IL1RAPL2: variants seen among roughly 807,000 people sequenced by gnomAD.
The protein encoded by IL1RAPL2 is interleukin 1 receptor accessory protein like 2.
In IL1RAPL2, 3 loss-of-function variants were observed where a neutral mutation model predicts 44.1. That is an observed-to-expected ratio of 0.07 (90% CI 0.03 to 0.18). The LOEUF (loss-of-function observed/expected upper bound fraction) is 0.18, where lower values mean the gene tolerates loss of function less well. Among genes scored for constraint, IL1RAPL2 ranks in the 10% least tolerant of loss-of-function variants. IL1RAPL2 has a pLI of 1.00. For synonymous variants in IL1RAPL2, 181 were observed against 178.8 expected (o/e 1.01, Z -0.10); for missense variants, 391 against 496.4 (o/e 0.79, Z 2.02).
chrX:104,770,856 C>G (rs775552555), intron 2 of IL1RAPL2, among the ~76,000 whole-genome samples: 1 of 111,617 alleles, frequency 9.0e-6, no homozygotes, highest in African/African-American at 3.3e-5. Flanking sequence ...AAGCCTAGTA[C>G]CCATTAGTTA....
rs1177321933 is a variant in IL1RAPL2, at chrX:105,363,297, TATATATATATA to T, written c.697+95768_697+95778del. Among the ~76,000 whole-genome samples, 404 of 79,414 alleles carry T rather than the reference TATATATATATA, an allele frequency of 5.1e-3. 6 individuals are homozygous for T. The highest frequency in any genetic ancestry group is 0.032 in the African/African-American group (388 of 12,202). The allele number at this position is 79,414 out of a possible 115,157, so 69.0% of individuals were successfully genotyped here. ...TGTGTGTATATATATATAATATATA[TATATATATATA>T]ATATATATATATATATATATATTCT... On this transcript the variant is annotated intron_variant, in intron 5 of 10. Coordinates refer to ENST00000372582, the MANE Select transcript of IL1RAPL2 (RefSeq NM_017416.2).
At chrX:105,489,787 T>TTCTCTC (rs36081932) in intron 6 of IL1RAPL2, among the ~76,000 whole-genome samples, 16,058 of 73,175 alleles carry the variant, frequency 0.22, 1,960 homozygotes, top group Middle Eastern at 0.35. Flanking sequence ...CTTTCTCTCT[T>TTCTCTC]TCTCTCTCTC....
At chrX:104,639,656 G>A (rs779412698) in intron 1 of IL1RAPL2, among the ~76,000 whole-genome samples, 3 of 110,707 alleles carry the variant, frequency 2.7e-5, no homozygotes, top group Non-Finnish European at 3.8e-5. Context: ...TTTTGTTCCC[G>A]GGTTTAGGAC....
intron 2 of IL1RAPL2, among the ~76,000 whole-genome samples, chrX:104,959,299 G>T (rs2029960142): frequency 1.8e-5 from 2 of 111,053 alleles, no homozygotes; most frequent in Non-Finnish European, 3.8e-5. Flanking sequence ...GCTATCAGGT[G>T]TCGTCTTATT....
At chrX:104,887,031 A>G (rs973357875) in intron 2 of IL1RAPL2, among the ~76,000 whole-genome samples, 3 of 112,661 alleles carry the variant, frequency 2.7e-5, no homozygotes, top group African/African-American at 9.7e-5. Flanking sequence ...TCTAGGCCTA[A>G]TCTTAGCCAG....
At chrX:105,153,898 G>A (rs2033248569) in intron 2 of IL1RAPL2, among the ~76,000 whole-genome samples, 1 of 111,060 alleles carries the variant, frequency 9.0e-6, no homozygotes, top group African/African-American at 3.3e-5. Context: ...TTCTCTTATG[G>A]GACCTTAAAA....
chrX:105,233,429 C>G (rs782019833), intron 3 of IL1RAPL2, among the ~76,000 whole-genome samples: 1 of 112,313 alleles, frequency 8.9e-6, no homozygotes. Context: ...CCTGTAGTAA[C>G]TGTTAAAGGA....
At chrX:105,021,264 G>C (rs2031277542) in intron 2 of IL1RAPL2, among the ~76,000 whole-genome samples, 1 of 111,315 alleles carries the variant, frequency 9.0e-6, no homozygotes, top group African/African-American at 3.3e-5. Context: ...TAGTTCTAGG[G>C]TGCTGTGGCT....
chrX:105,014,636 G>T (rs1253157150), intron 2 of IL1RAPL2, among the ~76,000 whole-genome samples: 1 of 111,894 alleles, frequency 8.9e-6, no homozygotes, highest in African/African-American at 3.2e-5. Flanking sequence ...CCTGCAAAGG[G>T]CATGAACTAA....
chrX:104,913,576 T>G (rs1924316619), intron 2 of IL1RAPL2, among the ~76,000 whole-genome samples: 1 of 111,613 alleles, frequency 9.0e-6, no homozygotes. Context: ...TAAGCAACAG[T>G]AAAGGATTCT....
intron 6 of IL1RAPL2, among the ~76,000 whole-genome samples, chrX:105,684,910 C>T (rs1041832818): frequency 1.8e-5 from 2 of 112,013 alleles, no homozygotes; most frequent in African/African-American, 3.2e-5. Context: ...CCCAGGCAAA[C>T]AGGGTCTGGA....
intron 6 of IL1RAPL2, among the ~76,000 whole-genome samples, chrX:105,713,990 G>C (rs1049986974): frequency 1.8e-5 from 2 of 111,373 alleles, no homozygotes; most frequent in African/African-American, 6.5e-5. Flanking sequence ...ACAGTAGCCT[G>C]AATACCTTGC....
intron 5 of IL1RAPL2, among the ~76,000 whole-genome samples, chrX:105,356,256 A>C (rs182520836): frequency 1.8e-5 from 2 of 110,201 alleles, no homozygotes; most frequent in East Asian, 2.9e-4. Flanking sequence ...ATTTACATTG[A>C]AATATTTCAC....
intron 2 of IL1RAPL2, among the ~76,000 whole-genome samples, chrX:105,123,210 A>G (rs1009702247): frequency 1.4e-4 from 15 of 111,030 alleles, no homozygotes; most frequent in African/African-American, 4.6e-4. Flanking sequence ...AAAGATAAAG[A>G]TAGAAAAAAG....
chrX:105,454,408 C>A (rs2036040968), intron 5 of IL1RAPL2, among the ~76,000 whole-genome samples: 1 of 111,514 alleles, frequency 9.0e-6, no homozygotes, highest in African/African-American at 3.3e-5. Context: ...CTTGGTCCCA[C>A]CTGTCATTCC....
intron 2 of IL1RAPL2, among the ~76,000 whole-genome samples, chrX:104,907,812 G>C (rs1325656993): frequency 9.0e-6 from 1 of 110,951 alleles, no homozygotes; most frequent in East Asian, 2.8e-4. Context: ...GTAGATTTCT[G>C]TTATGTCTGC....
chrX:105,144,501 G>A (rs1647527162), intron 2 of IL1RAPL2, among the ~76,000 whole-genome samples: 2 of 111,125 alleles, frequency 1.8e-5, no homozygotes, highest in South Asian at 7.6e-4. Flanking sequence ...CATGATAAAA[G>A]TGTAGCTCCT....
chrX:105,605,500 A>G (rs994669624), intron 6 of IL1RAPL2, among the ~76,000 whole-genome samples: 1 of 111,996 alleles, frequency 8.9e-6, no homozygotes, highest in South Asian at 3.6e-4. Context: ...AGAAGAATCA[A>G]TACTGTTAAA....
At chrX:104,866,556 G>A (rs1021887602) in intron 2 of IL1RAPL2, among the ~76,000 whole-genome samples, 3 of 111,600 alleles carry the variant, frequency 2.7e-5, no homozygotes, top group Middle Eastern at 9.4e-3. Context: ...GAAATACAGT[G>A]GCAAAGGAGA....
Sources: gnomAD v4.1 joint callset for allele counts (sites outside exome capture counted in the v4.1 genomes callset) on GRCh38, gnomAD v4.1.1 for gene constraint, MANE v1.5 for transcripts, NCBI Gene and HGNC (gene_info 2026-07-23, HGNC 2026-07-21) for gene names.